The following NFATC2 variants were observed in gnomAD, a reference collection of about 807,000 sequenced individuals.
The protein encoded by NFATC2 is nuclear factor of activated T cells 2, also known as nuclear factor of activated T-cells, cytoplasmic 2.
NFATC2 carries 22 observed loss-of-function variants against 87.3 expected under a neutral mutation model. The ratio of observed to expected loss-of-function variants is 0.25; its 90% CI spans 0.18 to 0.36. The LOEUF (loss-of-function observed/expected upper bound fraction) is 0.36. Among genes scored for constraint, NFATC2 ranks in the 10% least tolerant of loss-of-function variants. The probability of loss-of-function intolerance (pLI) is 1.00; values close to 1 mark genes in which losing one functional copy is unlikely to be tolerated. For synonymous variants in NFATC2, 565 were observed against 542.2 expected, an observed-to-expected ratio of 1.04 and a Z score of -0.58; for missense variants, 1,149 against 1,259.1, an observed-to-expected ratio of 0.91 and a Z score of 1.32.
upstream of NFATC2, among the ~76,000 whole-genome samples, chr20:51,546,143 G>C (rs77704114): frequency 1.3e-5 from 2 of 152,152 alleles, no homozygotes; most frequent in East Asian, 3.9e-4. Context: ...TTCAGCCTGA[G>C]GCAGGACCGT....
chr20:51,435,217 CT>C lies in NFATC2; in HGVS notation c.2002del (p.Ser668ValfsTer26). The C allele has an allele frequency of 6.2e-7, 1 of 1,614,162 alleles. No individual in the cohort carries two copies. Among genetic ancestry groups the C allele is most frequent in the Non-Finnish European group, 8.5e-7 (1 of 1,180,026 alleles). On this transcript the variant is annotated frameshift_variant, in exon 8 of 11. Coordinates refer to ENST00000371564, the MANE Select transcript of NFATC2 (RefSeq NM_012340.5). LOFTEE classifies it high-confidence loss of function. ...FYVINGKRKR[S>X]QPQHFTYHPV... ...GTGGTAGGTAAAGTGCTGAGGCTGACTTCGTTTTCTCTTCCCATTGATGACG... is the reference window on the plus strand; with the variant it reads ...GTGGTAGGTAAAGTGCTGAGGCTGACTCGTTTTCTCTTCCCATTGATGACG...
At chr20:51,397,594 GTCCTGAGGACAC>G (rs1987363690) in intron 10 of NFATC2, among the ~76,000 whole-genome samples, 2 of 152,152 alleles carry the variant, frequency 1.3e-5, no homozygotes, top group Admixed American at 6.5e-5. Flanking sequence ...CGGATGCAAA[GTCCTGAGGACAC>G]TCCTGAGGGA....
At chr20:51,509,569 A>G (rs1451237083) in intron 3 of NFATC2, among the ~76,000 whole-genome samples, 1 of 152,178 alleles carries the variant, frequency 6.6e-6, no homozygotes, top group Non-Finnish European at 1.5e-5. Context: ...AGCAGCCCTG[A>G]TCAAGACAAA....
chr20:51,520,975 C>A (rs368670213), intron 2 of NFATC2, among the ~76,000 whole-genome samples: 1 of 152,114 alleles, frequency 6.6e-6, no homozygotes, highest in South Asian at 2.1e-4. Flanking sequence ...TCTAAGATAG[C>A]CCTGTGAAAC....
intron 3 of NFATC2, among the ~76,000 whole-genome samples, chr20:51,484,631 G>C (rs1349097369): frequency 6.6e-6 from 1 of 152,224 alleles, no homozygotes; most frequent in Non-Finnish European, 1.5e-5. Flanking sequence ...ACAAAGAGCT[G>C]TTATACGCCC....
chr20:51,462,280 C>CAA lies in NFATC2; in HGVS notation c.1709-7594_1709-7593dup, dbSNP rs56939528. Among the ~76,000 whole-genome samples the CAA allele has an allele frequency of 1.6e-3, 201 of 128,692 alleles. 1 individual carries two copies. The highest frequency in any genetic ancestry group is 4.5e-3 in the Admixed American group (58 of 12,820). 84.4% of individuals were successfully genotyped at this position (128,692 alleles called of 152,430 possible). On this transcript the variant is annotated intron_variant, in intron 5 of 10. Coordinates refer to ENST00000371564, the MANE Select transcript of NFATC2 (RefSeq NM_012340.5). ...TGAAACCCCATCTCTGCTAATAATA[C>CAA]AAAAAAAAAAAAAAAAATAGCTGGG... is the stretch of plus-strand genomic sequence containing the variant.
rs113312002 is a variant in NFATC2, at chr20:51,469,607, A to C, written c.1708+4373T>G. Reference sequence around the variant, plus strand: ...ACCAGGGTCTTCACATATATAATTAAGGTAAGAATGGAGATGAGATCACCC... The same window carrying C: ...ACCAGGGTCTTCACATATATAATTACGGTAAGAATGGAGATGAGATCACCC... On this transcript the variant is annotated intron_variant, in intron 5 of 10. Coordinates refer to ENST00000371564, the MANE Select transcript of NFATC2 (RefSeq NM_012340.5). Among the ~76,000 whole-genome samples, 877 of 152,238 alleles carry C rather than the reference A, an allele frequency of 5.8e-3. 9 individuals are homozygous for C. Among genetic ancestry groups the C allele is most frequent in the African/African-American group, 0.02 (837 of 41,494 alleles).
At chr20:51,503,018 C>A (rs561013201) in intron 3 of NFATC2, among the ~76,000 whole-genome samples, 56 of 152,274 alleles carry the variant, frequency 3.7e-4, no homozygotes, top group African/African-American at 1.2e-3. Flanking sequence ...ATGTGCTGAG[C>A]AGTATGCCAA....
intron 9 of NFATC2, among the ~76,000 whole-genome samples, chr20:51,417,515 C>T (rs373057814): frequency 6.6e-6 from 1 of 152,204 alleles, no homozygotes; most frequent in Non-Finnish European, 1.5e-5. Context: ...CTCTTCCTCC[C>T]GGTCTCAAAT....
At chr20:51,393,999 T>C (rs920677850) in intron 10 of NFATC2, among the ~76,000 whole-genome samples, 1 of 152,088 alleles carries the variant, frequency 6.6e-6, no homozygotes, top group Admixed American at 6.5e-5. Context: ...TCCTGCTTTC[T>C]GGGAGTTACT....
intron 10 of NFATC2, among the ~76,000 whole-genome samples, chr20:51,396,114 A>G (rs1987098266): frequency 7.0e-6 from 1 of 141,968 alleles, no homozygotes; most frequent in South Asian, 2.3e-4. Flanking sequence ...CAAAGAAGAA[A>G]AAGCAGGGTG....
At chr20:51,556,403 G>A (rs2076978744) in intron 1 of NFATC2, among the ~76,000 whole-genome samples, 1 of 152,096 alleles carries the variant, frequency 6.6e-6, no homozygotes, top group Non-Finnish European at 1.5e-5. Context: ...CCGTAACAAT[G>A]GCCTTTAGAC....
intron 10 of NFATC2, among the ~76,000 whole-genome samples, chr20:51,395,418 G>A (rs1986918127): frequency 6.7e-6 from 1 of 149,562 alleles, no homozygotes; most frequent in African/African-American, 2.6e-5. Flanking sequence ...TCAGGGGACG[G>A]CTATGGCAGA....
upstream of NFATC2, among the ~76,000 whole-genome samples, chr20:51,545,220 C>G (rs778286231): frequency 3.3e-5 from 5 of 152,170 alleles, no homozygotes; most frequent in Admixed American, 3.3e-4. Flanking sequence ...CTTTCTCGTC[C>G]CTCCATCCCA....
chr20:51,523,354 G>A lies in NFATC2; in HGVS notation c.887C>T (p.Pro296Leu), dbSNP rs759670807. Reference sequence around the variant, plus strand: ...CATGATCACGGCAGAGCCAGCCACAGGGGGGTACCCAGCCGGGGAGCCGTG... The same window carrying A: ...CATGATCACGGCAGAGCCAGCCACAAGGGGGTACCCAGCCGGGGAGCCGTG... ...QDHGSPAGYP[P>L]VAGSAVIMDA... Residue 296 changes from proline (P) to leucine (L), a missense_variant, in exon 2 of 11, where the codon CCT (proline) becomes CTT (leucine). Coordinates refer to ENST00000371564, the MANE Select transcript of NFATC2 (RefSeq NM_012340.5). This position sits in a 1 kb window ranked among gnomAD's most constrained non-coding sequence, Gnocchi z 6.9. The A allele has an allele frequency of 1.9e-6, 3 of 1,611,786 alleles. No individual in the cohort carries two copies. Among genetic ancestry groups the A allele is most frequent in the African/African-American group, 1.3e-5 (1 of 74,894 alleles).
chr20:51,505,163 G>A (rs185330049), intron 3 of NFATC2, among the ~76,000 whole-genome samples: 47 of 151,664 alleles, frequency 3.1e-4, no homozygotes, highest in Admixed American at 1.4e-3. Context: ...ACATGCGCCC[G>A]CCACCATGCC....
chr20:51,398,572 A>ACTT, intron 10 of NFATC2, 71 bp downstream of exon 10: 6 of 252,880 alleles, frequency 2.4e-5, no homozygotes, highest in Non-Finnish European at 2.0e-5. Context: ...ACTTTACTTA[A>ACTT]AAAAAAAAAA....
Position 51,503,094 on chromosome 20 carries a change from AAC to A in NFATC2, c.1332+13688_1332+13689del, listed in dbSNP as rs1435963645. ...GACCACGAATACAACCTCAAGCACA[AAC>A]ACAGACTATCTCTGGCGGGATGTCC... is the stretch of plus-strand genomic sequence containing the variant. On this transcript the variant is annotated intron_variant, in intron 3 of 10. Coordinates refer to ENST00000371564, the MANE Select transcript of NFATC2 (RefSeq NM_012340.5). Among the ~76,000 whole-genome samples the A allele has an allele frequency of 3.9e-5, 6 of 152,328 alleles. No individual in the cohort carries two copies. The South Asian group carries it at 8.3e-4, about 21-fold the overall frequency.
chr20:51,440,236 C>CAAAAAAAAAAAAAAA (rs34071345), intron 6 of NFATC2, among the ~76,000 whole-genome samples: 40 of 97,192 alleles, frequency 4.1e-4, no homozygotes, highest in East Asian at 6.2e-4. Flanking sequence ...AACTCCATCT[C>CAAAAAAAAAAAAAAA]AAAAAAAAAA....
Sources: gnomAD v4.1 joint callset for allele counts (sites outside exome capture counted in the v4.1 genomes callset) on GRCh38, gnomAD v4.1.1 for gene constraint, Gnocchi (gnomAD v3.1) non-coding constraint, MANE v1.5 for transcripts, NCBI Gene and HGNC (gene_info 2026-07-23, HGNC 2026-07-21) for gene names.